The following TACR1 variants were observed in gnomAD, a reference collection of about 807,000 sequenced individuals.
The protein encoded by TACR1 is tachykinin receptor 1, also known as substance-P receptor.
TACR1 carries 25 observed loss-of-function variants against 35.8 expected under a neutral mutation model. That is an observed-to-expected ratio of 0.70 (90% CI 0.51 to 0.98). The LOEUF is 0.98. Among genes scored for constraint, TACR1 ranks in the 50% least tolerant of loss-of-function variants. The pLI is 0.00. For missense variants in TACR1, 478 were observed against 522.9 expected (o/e 0.91, Z 0.84); for synonymous variants, 195 against 206.7 (o/e 0.94, Z 0.48).
At chr2:75,113,033 T>C (rs1673781317) in intron 2 of TACR1, among the ~76,000 whole-genome samples, 1 of 152,194 alleles carries the variant, frequency 6.6e-6, no homozygotes, top group African/African-American at 2.4e-5. Flanking sequence ...TGAGCAAGAT[T>C]TCCATATTGT....
intron 1 of TACR1, among the ~76,000 whole-genome samples, chr2:75,148,052 A>T (rs1169561202): frequency 6.6e-6 from 1 of 152,070 alleles, no homozygotes; most frequent in African/African-American, 2.4e-5. Context: ...GGCCGATCTC[A>T]TTCCTTTTAA....
At chr2:75,131,442 G>A (rs969008998) in intron 1 of TACR1, among the ~76,000 whole-genome samples, 1 of 152,102 alleles carries the variant, frequency 6.6e-6, no homozygotes, top group African/African-American at 2.4e-5. Context: ...GTTTTTGGAA[G>A]GTGAAATAAT....
intron 1 of TACR1, among the ~76,000 whole-genome samples, chr2:75,134,268 C>T (rs1407911445): frequency 1.3e-5 from 2 of 152,216 alleles, no homozygotes; most frequent in Admixed American, 6.5e-5. Flanking sequence ...CAAGAACCCT[C>T]TCTTGGGGCC....
intron 1 of TACR1, among the ~76,000 whole-genome samples, chr2:75,172,629 G>T (rs1010337845): frequency 6.6e-6 from 1 of 151,952 alleles, no homozygotes; most frequent in Non-Finnish European, 1.5e-5. Context: ...CTCTTAAGTG[G>T]GAAAGAGAAT....
At chr2:75,053,883 G>C in intron 2 of TACR1, 128 bp from the exon 3 acceptor site, 1 of 1,306,312 alleles carries the variant, frequency 7.7e-7, no homozygotes, top group East Asian at 2.5e-5. Context: ...AATAAGCTTG[G>C]GCTGTAAAGC....
At chr2:75,059,243 T>C (rs1363062953) in intron 2 of TACR1, among the ~76,000 whole-genome samples, 1 of 152,226 alleles carries the variant, frequency 6.6e-6, no homozygotes, top group African/African-American at 2.4e-5. Flanking sequence ...TGTGACAGGC[T>C]GCTCACTACT....
At chr2:75,053,462 A>T in intron 3 of TACR1, 143 bp downstream of exon 3, 1 of 1,123,024 alleles carries the variant, frequency 8.9e-7, no homozygotes, top group Non-Finnish European at 1.2e-6. Flanking sequence ...CACTGAAGAA[A>T]GATTCCTCTC....
chr2:75,169,201 A>T (rs1440604863), intron 1 of TACR1, among the ~76,000 whole-genome samples: 1 of 152,134 alleles, frequency 6.6e-6, no homozygotes, highest in African/African-American at 2.4e-5. Context: ...TACATATAAC[A>T]ACTGAGTGGA....
At chr2:75,163,192 C>T (rs1210288593) in intron 1 of TACR1, among the ~76,000 whole-genome samples, 1 of 152,160 alleles carries the variant, frequency 6.6e-6, no homozygotes, top group Non-Finnish European at 1.5e-5. Context: ...TGGAGAGTCC[C>T]CATTGATTCA....
intron 1 of TACR1, among the ~76,000 whole-genome samples, chr2:75,156,633 A>T: frequency 6.6e-6 from 1 of 150,464 alleles, no homozygotes; most frequent in South Asian, 2.1e-4. Context: ...AAAGAATTCT[A>T]CCCAAGAGTG....
At chr2:75,067,496 C>A (rs1412346642) in intron 2 of TACR1, among the ~76,000 whole-genome samples, 1 of 152,118 alleles carries the variant, frequency 6.6e-6, no homozygotes, top group African/African-American at 2.4e-5. Flanking sequence ...GACATGGTCC[C>A]TGCTTTTGAG....
intron 2 of TACR1, among the ~76,000 whole-genome samples, chr2:75,112,534 C>T (rs369501903): frequency 8.5e-5 from 13 of 152,060 alleles, no homozygotes; most frequent in South Asian, 2.1e-4. Flanking sequence ...TTTCTTATGC[C>T]GTCCAGTAAA....
intron 1 of TACR1, among the ~76,000 whole-genome samples, chr2:75,164,049 C>T (rs1049226994): frequency 6.6e-5 from 10 of 151,922 alleles, no homozygotes; most frequent in Non-Finnish European, 1.2e-4. Flanking sequence ...AGGAGTGGGC[C>T]GGGTGCAGTG....
intron 2 of TACR1, among the ~76,000 whole-genome samples, chr2:75,089,463 G>A (rs757144997): frequency 6.6e-6 from 1 of 152,240 alleles, no homozygotes; most frequent in East Asian, 1.9e-4. Flanking sequence ...TTGAGATTAC[G>A]TTAAACATGA....
intron 2 of TACR1, among the ~76,000 whole-genome samples, chr2:75,077,333 T>C (rs1286381337): frequency 6.6e-6 from 1 of 152,194 alleles, no homozygotes; most frequent in Non-Finnish European, 1.5e-5. Context: ...ACAGTGGTGA[T>C]TTGAACTCAG....
At chr2:75,127,115 A>C (rs1261054649) in intron 1 of TACR1, among the ~76,000 whole-genome samples, 1 of 152,228 alleles carries the variant, frequency 6.6e-6, no homozygotes, top group Admixed American at 6.5e-5. Context: ...TGCTCCATCC[A>C]TTCTCCTTCC....
At chr2:75,151,546 G>T (rs1674670563) in intron 1 of TACR1, among the ~76,000 whole-genome samples, 1 of 152,226 alleles carries the variant, frequency 6.6e-6, no homozygotes, top group African/African-American at 2.4e-5. Context: ...CCTTTGCCTA[G>T]ATTTAGGAAG....
In TACR1 at chr2:75,199,031, C is replaced by G. The variant is rs1031195886; in HGVS notation, c.-97G>C. 1.4e-6 allele frequency: 2 copies of G among 1,471,534 alleles called. No individual in the cohort carries two copies. Among genetic ancestry groups the G allele is most frequent in the African/African-American group, 2.8e-5 (2 of 70,936 alleles). 91.2% of individuals were successfully genotyped at this position (1,471,534 alleles called of 1,614,324 possible). A position where few individuals can be genotyped will look rare whatever the true frequency, so the allele number is the denominator to read the frequency against. ...CCTGGGGCTCAGGGTCCTTCTAAAG[C>G]CAGACAGGAGGGTGGAAGGCTTTTT... On this transcript the variant is annotated 5_prime_UTR_variant, in exon 1 of 5. Transcript: ENST00000305249.
intron 2 of TACR1, among the ~76,000 whole-genome samples, chr2:75,102,987 C>T (rs1673569010): frequency 6.6e-6 from 1 of 152,162 alleles, no homozygotes; most frequent in African/African-American, 2.4e-5. Context: ...GAGCAGATCT[C>T]TATTACTTGT....
Sources: allele counts gnomAD v4.1 joint callset (sites outside exome capture counted in the v4.1 genomes callset), GRCh38; gene constraint gnomAD v4.1.1; transcripts MANE v1.5; gene names NCBI Gene and HGNC (gene_info 2026-07-23, HGNC 2026-07-21).